Variants in DCAF4 observed in about 807,000 individuals in gnomAD.
DCAF4 encodes DDB1 and CUL4 associated factor 4.
DCAF4 carries 37 observed loss-of-function variants against 60.9 expected under a neutral mutation model. The ratio of observed to expected loss-of-function variants is 0.61; its 90% CI spans 0.47 to 0.80. DCAF4 has a LOEUF of 0.80. Ranked by LOEUF, DCAF4 falls within the 30% of genes least tolerant of loss-of-function variation. DCAF4 has a pLI of 0.00. For synonymous variants in DCAF4, 243 were observed against 254.8 expected (o/e 0.95, Z 0.44); for missense variants, 577 against 650.0 (o/e 0.89, Z 1.22).
At chr14:72,950,389 G>A (rs1449665937) in intron 8 of DCAF4, among the ~76,000 whole-genome samples, 1 of 152,196 alleles carries the variant, frequency 6.6e-6, no homozygotes, top group Admixed American at 6.5e-5. Flanking sequence ...GGAGTGTGTA[G>A]TAGAAATTGG....
At chr14:72,932,229 G>T (rs1026566105) in intron 1 of DCAF4, among the ~76,000 whole-genome samples, 1 of 151,948 alleles carries the variant, frequency 6.6e-6, no homozygotes, top group Non-Finnish European at 1.5e-5. Context: ...GACCTCAGGC[G>T]ATCTGCCTGC....
At chr14:72,926,576 A>C (rs2098322) in intron 1 of DCAF4, 33 bp downstream of exon 1, 3 of 151,922 alleles carry the variant, frequency 2.0e-5, no homozygotes, top group Non-Finnish European at 4.4e-5. Context: ...GCCTACTGGC[A>C]TCGATTCGAG....
intron 9 of DCAF4, among the ~76,000 whole-genome samples, chr14:72,952,273 C>T (rs574061467): frequency 7.5e-4 from 115 of 152,330 alleles, no homozygotes; most frequent in African/African-American, 2.6e-3. Flanking sequence ...TATTACATTT[C>T]AGTCTATCAG....
At chr14:72,953,651 A>G (rs1272140261) in intron 9 of DCAF4, among the ~76,000 whole-genome samples, 1 of 139,828 alleles carries the variant, frequency 7.2e-6, no homozygotes, top group East Asian at 2.3e-4. Context: ...TTGAGGATGC[A>G]TTGAGCCATG....
chr14:72,928,942 TGGACC>T (rs1272935724), intron 1 of DCAF4, among the ~76,000 whole-genome samples: 1 of 150,788 alleles, frequency 6.6e-6, no homozygotes, highest in Non-Finnish European at 1.5e-5. Context: ...GTGCTAAGGC[TGGACC>T]GACCCCCTGT....
intron 9 of DCAF4, among the ~76,000 whole-genome samples, chr14:72,952,361 C>T (rs1891529730): frequency 6.6e-6 from 1 of 152,210 alleles, no homozygotes; most frequent in Non-Finnish European, 1.5e-5. Context: ...CGAATCCCAG[C>T]TCTGCCCCTT....
At chr14:72,941,630 C>T in intron 4 of DCAF4, 115 bp from the exon 5 acceptor site, 1 of 946,414 alleles carries the variant, frequency 1.1e-6, no homozygotes, top group Middle Eastern at 2.4e-4. Context: ...CATATAATTT[C>T]TGCCAATTTA....
In DCAF4 at chr14:72,955,914, C is replaced by CTTTTTTTTTTTTTTTT. The variant is rs71109770; in HGVS notation, c.1179+229_1179+244dup. 2.4e-4 allele frequency among the ~76,000 whole-genome samples: 13 copies of CTTTTTTTTTTTTTTTT among 54,768 alleles called. 1 individual carries two copies. Among genetic ancestry groups the CTTTTTTTTTTTTTTTT allele is most frequent in the African/African-American group, 9.3e-4 (13 of 13,966 alleles). 35.9% of individuals were successfully genotyped at this position (54,768 alleles called of 152,430 possible). A position where few individuals can be genotyped will look rare whatever the true frequency, so the allele number is the denominator to read the frequency against. ...GTGAAAAGGATTCTCTGGTTATGTCCTTTTTTTTTTTTTTTTTTTTTTTTT... is the reference window on the plus strand; with the variant it reads ...GTGAAAAGGATTCTCTGGTTATGTCCTTTTTTTTTTTTTTTTTTTTTTTTTTTTTTTTTTTTTTTTT... On this transcript the variant is annotated intron_variant, in intron 12 of 13. Transcript: ENST00000358377.
Position 72,943,069 on chromosome 14 carries a change from G to A in DCAF4, c.507G>A (p.Leu169=), listed in dbSNP as rs776224987. ...TTCGAAGCATGGATCCCTCCGCCTT[G>A]GCAAGCGACCGATTTAACCTCATAC... is the stretch of plus-strand genomic sequence containing the variant. ...VQIRSMDPSA[L]ASDRFNLILA... Residue 169 remains leucine (L), a synonymous_variant, in exon 6 of 14, where the codon TTG becomes TTA. Coordinates refer to ENST00000358377, the MANE Select transcript of DCAF4 (RefSeq NM_015604.4). 14 of 1,614,066 alleles carry A rather than the reference G, an allele frequency of 8.7e-6. No homozygotes were observed. The highest frequency in any genetic ancestry group is 2.7e-5 in the African/African-American group (2 of 74,934).
At position 72,953,723 on chromosome 14, in the gene DCAF4, AAAAAAAAAAATATATATATATAT is replaced by A. The variant is rs1360292086; in HGVS notation, c.809-439_809-417del. 2.7e-3 allele frequency among the ~76,000 whole-genome samples: 143 copies of A among 53,658 alleles called. 8 individuals carry two copies. The highest frequency in any genetic ancestry group is 0.012 in the African/African-American group (132 of 11,130). 35.2% of individuals were successfully genotyped at this position (53,658 alleles called of 152,430 possible). ...AGACCCTGTCTTAAAAAAAAAAAAA[AAAAAAAAAAATATATATATATAT>A]ATATATATATATATATAGTTTATTT... is the stretch of plus-strand genomic sequence containing the variant. On this transcript the variant is annotated intron_variant, in intron 9 of 13. Coordinates refer to ENST00000358377, the MANE Select transcript of DCAF4 (RefSeq NM_015604.4).
Position 72,958,666 on chromosome 14 carries a change from G to A in DCAF4, c.1349G>A (p.Arg450Lys). 1.2e-6 allele frequency: 2 copies of A among 1,614,162 alleles called. No homozygotes were observed. The highest frequency in any genetic ancestry group is 1.7e-6 in the Non-Finnish European group (2 of 1,180,024). The change falls in exon 14 of 14, where the codon AGA becomes AAA. Residue 450 changes from arginine to lysine, a missense_variant. Physicochemically the swap from Arg to Lys is conservative, Grantham distance 26 (BLOSUM62 2). Transcript: ENST00000358377. ...AGCCTCCACGATGCCCGCCTACTGA[G>A]AACCATACCCTCCCCGTACCCTGCC... is the stretch of plus-strand genomic sequence containing the variant. ...IWSLHDARLL[R>K]TIPSPYPASK...
At chr14:72,954,061 C>A in intron 9 of DCAF4, 103 bp from the exon 10 acceptor site, 4 of 1,219,366 alleles carry the variant, frequency 3.3e-6, no homozygotes, top group East Asian at 2.3e-5. Flanking sequence ...AAGGTATAGA[C>A]CCTCTGAGCA....
chr14:72,940,881 A>G (rs8005272), intron 4 of DCAF4, among the ~76,000 whole-genome samples: 144,149 of 152,116 alleles, frequency 0.95, 68,413 homozygotes, highest in East Asian at 1. Context: ...GTGAGCCACC[A>G]CACCCAGCCT....
In DCAF4 at chr14:72,959,106, C is replaced by G. The variant is rs1274388242; in HGVS notation, c.*301C>G. 3.7e-5 allele frequency: 40 copies of G among 1,068,824 alleles called. No individual in the cohort carries two copies. The highest frequency in any genetic ancestry group is 4.4e-5 in the Non-Finnish European group (39 of 883,554). 66.2% of individuals were successfully genotyped at this position (1,068,824 alleles called of 1,614,324 possible). A position where few individuals can be genotyped will look rare whatever the true frequency, so the allele number is the denominator to read the frequency against. On this transcript the variant is annotated 3_prime_UTR_variant, in exon 14 of 14. Coordinates refer to ENST00000358377, the MANE Select transcript of DCAF4 (RefSeq NM_015604.4). ...CCTTTTCTTAACAAAAAGGACTTTT[C>G]TAAGGACTGAAGATTGGCAAAAACG...
At chr14:72,929,881 AC>A in intron 1 of DCAF4, 1 of 1,473,558 alleles carries the variant, frequency 6.8e-7, no homozygotes, top group Non-Finnish European at 9.3e-7. Context: ...GTTCTTGGTC[AC>A]CTTGTGGCCC....
rs755886528 is a variant in DCAF4 at position 72,941,805 on chromosome 14, A to G, written c.412A>G (p.Asn138Asp). The G allele has an allele frequency of 1.2e-6, 2 of 1,614,044 alleles. No individual in the cohort carries two copies. The highest frequency in any genetic ancestry group is 3.3e-5 in the Admixed American group (2 of 59,996). ...MLRKSQLGFL[N>D]VTNYCHLAHE... is the part of the protein sequence containing the mutation. ...ACGAAAAAGCCAGCTGGGTTTTCTCAACGTCACCAATTACTGCCAGTAAGA... is the reference window on the plus strand; with the variant it reads ...ACGAAAAAGCCAGCTGGGTTTTCTCGACGTCACCAATTACTGCCAGTAAGA... The change falls in exon 5 of 14, where the codon AAC (asparagine) becomes GAC (aspartate). Residue 138 changes from asparagine (N) to aspartate (D), a missense_variant. Transcript: ENST00000358377.
chr14:72,950,672 CAT>C (rs1891295034), intron 8 of DCAF4, among the ~76,000 whole-genome samples: 1 of 152,038 alleles, frequency 6.6e-6, no homozygotes, highest in Admixed American at 6.5e-5. Flanking sequence ...CGACTATGCT[CAT>C]GTGAACAGAG....
At chr14:72,930,544 C>T (rs1567293071) in intron 1 of DCAF4, among the ~76,000 whole-genome samples, 1 of 152,180 alleles carries the variant, frequency 6.6e-6, no homozygotes, top group African/African-American at 2.4e-5. Flanking sequence ...GCTGGGATTA[C>T]AGGCGTGAGC....
At chr14:72,957,115 A>C (rs1407877694) in intron 13 of DCAF4, 1 of 153,404 alleles carries the variant, frequency 6.5e-6, no homozygotes, top group Non-Finnish European at 1.5e-5. Context: ...GGAAGTCAGA[A>C]GCAGGAGAAT....
Sources: allele counts gnomAD v4.1 joint callset (sites outside exome capture counted in the v4.1 genomes callset), GRCh38; gene constraint gnomAD v4.1.1; transcripts MANE v1.5; gene names NCBI Gene and HGNC (gene_info 2026-07-23, HGNC 2026-07-21).